Variants in UBE3B observed in about 807,000 individuals in gnomAD.
UBE3B encodes ubiquitin protein ligase E3B, also known as ubiquitin-protein ligase E3B.
UBE3B carries 80 observed loss-of-function variants against 132.3 expected under a neutral mutation model. The ratio of observed to expected loss-of-function variants is 0.60; its 90% CI spans 0.50 to 0.73. The LOEUF is 0.73. UBE3B is among the 30% of genes least tolerant of loss of function. The pLI, the probability that UBE3B is intolerant of heterozygous loss-of-function variation, is 0.00. For synonymous variants in UBE3B, 487 were observed against 520.4 expected, an observed-to-expected ratio of 0.94 and a Z score of 0.87; for missense variants, 1,196 against 1,362.5, an observed-to-expected ratio of 0.88 and a Z score of 1.92.
At chr12:109,500,121 T>A (rs2135917204) in intron 12 of UBE3B, among the ~76,000 whole-genome samples, 1 of 152,344 alleles carries the variant, frequency 6.6e-6, no homozygotes, top group East Asian at 1.9e-4. Context: ...TTATCAATGT[T>A]TTTTCTTCTT....
At position 109,490,590 on chromosome 12, in the gene UBE3B, G is replaced by A. The variant is rs1204334678; in HGVS notation, c.631-455G>A. 2.0e-5 allele frequency: 30 copies of A among 1,535,748 alleles called. No homozygotes were observed. The East Asian group carries it at 5.6e-4, about 29-fold the overall frequency. On this transcript the variant is annotated intron_variant, in intron 8 of 27. Coordinates refer to ENST00000342494, the MANE Select transcript of UBE3B (RefSeq NM_130466.4). ...AGCTGGTATGACTGGCAGTTGTCTC[G>A]CTAGAGGAACCTTCTACTTCATACC...
chr12:109,498,829 GTT>G (rs1030888536), intron 11 of UBE3B, among the ~76,000 whole-genome samples: 2 of 142,538 alleles, frequency 1.4e-5, no homozygotes, highest in Non-Finnish European at 1.5e-5. Context: ...AGTTTTTTTT[GTT>G]TTTTTTTTTT....
chr12:109,540,433 A>C (rs1883587654), downstream of UBE3B, among the ~76,000 whole-genome samples: 1 of 151,870 alleles, frequency 6.6e-6, no homozygotes, highest in South Asian at 2.1e-4. Flanking sequence ...CTGGTCTTGA[A>C]CTCCTGGGCT....
At chr12:109,513,684 C>T (rs901402654) in intron 18 of UBE3B, among the ~76,000 whole-genome samples, 2 of 148,138 alleles carry the variant, frequency 1.4e-5, no homozygotes, top group African/African-American at 5.0e-5. Context: ...TATAGTAATC[C>T]CCACATTTTT....
At chr12:109,523,679 G>GC (rs149493092) in intron 21 of UBE3B, among the ~76,000 whole-genome samples, 25,762 of 152,228 alleles carry the variant, frequency 0.17, 2,239 homozygotes, top group African/African-American at 0.18. Context: ...GGCTGGTGCT[G>GC]CCCCCCACTG....
chr12:109,541,051 G>A (rs1883600049), downstream of UBE3B, among the ~76,000 whole-genome samples: 1 of 152,242 alleles, frequency 6.6e-6, no homozygotes, highest in Admixed American at 6.5e-5. Context: ...CACCATCCTT[G>A]CAGCTATGCA....
intron 24 of UBE3B, among the ~76,000 whole-genome samples, chr12:109,526,982 G>A (rs1270068798): frequency 3.9e-5 from 6 of 152,012 alleles, no homozygotes; most frequent in African/African-American, 1.2e-4. Context: ...GTTTAATAAC[G>A]GCCCTAGATG....
At chr12:109,497,717 G>A (rs1022387591) in intron 9 of UBE3B, 101 bp from the exon 10 acceptor site, 12 of 1,198,760 alleles carry the variant, frequency 1.0e-5, no homozygotes, top group African/African-American at 9.0e-5. Context: ...GAAATCCCAC[G>A]CAGAATAATT....
At chr12:109,510,799 G>A (rs1426815771) in intron 17 of UBE3B, among the ~76,000 whole-genome samples, 1 of 152,208 alleles carries the variant, frequency 6.6e-6, no homozygotes, top group African/African-American at 2.4e-5. Flanking sequence ...AATTACTAGA[G>A]TAAAAACTGC....
At chr12:109,542,305 CTAAACCTGTTTGCCATTTCCTGGCT>C in the UBE3B span, among the ~76,000 whole-genome samples, 6 of 152,194 alleles carry the variant, frequency 3.9e-5, no homozygotes, top group Non-Finnish European at 8.8e-5. Context: ...GCCTGGGAAG[CTAAACCTGTTTGCCATTTCCTGGCT>C]TATGTCTTGT....
intron 24 of UBE3B, among the ~76,000 whole-genome samples, chr12:109,529,498 T>C (rs1221640199): frequency 6.6e-6 from 1 of 152,232 alleles, no homozygotes. Flanking sequence ...CTGAATGGTA[T>C]CTTAATTGAT....
the UBE3B span, among the ~76,000 whole-genome samples, chr12:109,544,458 G>A: frequency 6.6e-6 from 1 of 152,186 alleles, no homozygotes; most frequent in African/African-American, 2.4e-5. Flanking sequence ...CTGGCAACAT[G>A]CAAGTACAGT....
Position 109,524,445 on chromosome 12 carries a change from A to G in UBE3B, c.2510A>G (p.Asp837Gly). ...YKNLTSIKRY[D>G]GDITDLGLTL... ...CCTTCTCTGTTACATTAGCGCTATGATGGGGACATCACTGACCTGGGCCTG... is the reference window on the plus strand; with the variant it reads ...CCTTCTCTGTTACATTAGCGCTATGGTGGGGACATCACTGACCTGGGCCTG... The change falls in exon 23 of 28, where the codon GAT (aspartate) becomes GGT (glycine). Residue 837 changes from aspartate (D) to glycine (G), a missense_variant. Coordinates refer to ENST00000342494, the MANE Select transcript of UBE3B (RefSeq NM_130466.4). 2 of 1,614,180 alleles carry G rather than the reference A, an allele frequency of 1.2e-6. No homozygotes were observed. The highest frequency in any genetic ancestry group is 1.7e-6 in the Non-Finnish European group (2 of 1,180,020).
chr12:109,520,288 T>C (rs1881544532), intron 19 of UBE3B: 1 of 152,100 alleles, frequency 6.6e-6, no homozygotes, highest in Non-Finnish European at 1.5e-5. Flanking sequence ...GCACCCCAAG[T>C]ACTAGGAATG....
At chr12:109,485,392 A>G (rs1391182871) in intron 4 of UBE3B, among the ~76,000 whole-genome samples, 1 of 152,262 alleles carries the variant, frequency 6.6e-6, no homozygotes, top group Non-Finnish European at 1.5e-5. Context: ...GGCAGTGAAC[A>G]CATGATTACG....
At chr12:109,481,046 A>G (rs1875307671) in intron 1 of UBE3B, among the ~76,000 whole-genome samples, 1 of 151,520 alleles carries the variant, frequency 6.6e-6, no homozygotes, top group African/African-American at 2.4e-5. Flanking sequence ...CGGAGCTTGC[A>G]GTGAGCCAAT....
intron 21 of UBE3B, 150 bp from the exon 22 acceptor site, chr12:109,523,828 G>T: frequency 9.2e-7 from 1 of 1,092,258 alleles, no homozygotes; most frequent in Non-Finnish European, 1.3e-6. Context: ...GTAGAGGATG[G>T]GGAGATACTG....
intron 19 of UBE3B, among the ~76,000 whole-genome samples, chr12:109,518,335 T>G (rs1881308357): frequency 6.6e-6 from 1 of 152,118 alleles, no homozygotes; most frequent in African/African-American, 2.4e-5. Flanking sequence ...CGAGGTGGGC[T>G]CCATAACGCT....
intron 26 of UBE3B, 40 bp downstream of exon 26, chr12:109,530,698 CAT>C: frequency 6.4e-7 from 1 of 1,573,290 alleles, no homozygotes; most frequent in Non-Finnish European, 8.7e-7. Context: ...CATGTATTCT[CAT>C]AAACCTGGAA....
Sources: gnomAD v4.1 joint callset for allele counts (sites outside exome capture counted in the v4.1 genomes callset) on GRCh38, gnomAD v4.1.1 for gene constraint, MANE v1.5 for transcripts, NCBI Gene and HGNC (gene_info 2026-07-23, HGNC 2026-07-21) for gene names.